Variants in HERC1 observed in about 807,000 individuals in gnomAD.
The protein encoded by HERC1 is HECT and RLD domain containing E3 ubiquitin protein ligase family member 1.
HERC1 carries 160 observed loss-of-function variants against 554.3 expected under a neutral mutation model. The observed-to-expected ratio is 0.29, with a 90% confidence interval of 0.25 to 0.33. HERC1 has a LOEUF of 0.33. HERC1 is among the 10% of genes least tolerant of loss of function. HERC1 has a pLI of 1.00. For synonymous variants in HERC1, 2,175 were observed against 2,131.7 expected (o/e 1.02, Z -0.56); for missense variants, 4,919 against 5,918.5 (o/e 0.83, Z 5.54).
At position 63,757,262 on chromosome 15, in the gene HERC1, C is replaced by CTTTTTTTTTTTTTTTT. The variant is rs56196711; in HGVS notation, c.1222-530_1222-515dup. ...AAAAAGAAATTCCAGTTTTTATTTA[C>CTTTTTTTTTTTTTTTT]TTTTTTTTTTTTTTTTTTTTGAGAC... On this transcript the variant is annotated intron_variant, in intron 4 of 77. Coordinates refer to ENST00000443617, the MANE Select transcript of HERC1 (RefSeq NM_003922.4). Among the ~76,000 whole-genome samples, 7 of 107,880 alleles carry CTTTTTTTTTTTTTTTT rather than the reference C, an allele frequency of 6.5e-5. 1 individual carries two copies. Among genetic ancestry groups the CTTTTTTTTTTTTTTTT allele is most frequent in the Non-Finnish European group, 7.3e-5 (4 of 55,108 alleles). 70.8% of individuals were successfully genotyped at this position (107,880 alleles called of 152,430 possible).
intron 12 of HERC1, among the ~76,000 whole-genome samples, chr15:63,736,953 T>C (rs1368198084): frequency 6.6e-6 from 1 of 152,012 alleles, no homozygotes; most frequent in Non-Finnish European, 1.5e-5. Flanking sequence ...CCAAAGGTTA[T>C]TAGAAATTTG....
At position 63,749,640 on chromosome 15, in the gene HERC1, A is replaced by C; in HGVS notation, c.2047+7T>G. On this transcript the variant is annotated splice_region_variant and intron_variant, in intron 9 of 77. Coordinates refer to ENST00000443617, the MANE Select transcript of HERC1 (RefSeq NM_003922.4). The surrounding 1 kb of genome is among the most constrained non-coding windows in gnomAD (Gnocchi z 4.1). The stretch of plus-strand genomic sequence containing the variant: ...AATACTATTTCCTTAAAAACAAATG[A>C]CTTTACCATGAGAAAGAGCCAAACA... The C allele has an allele frequency of 2.5e-6, 4 of 1,598,164 alleles. No individual in the cohort carries two copies. The highest frequency in any genetic ancestry group is 2.6e-6 in the Non-Finnish European group (3 of 1,171,766).
intron 19 of HERC1, 64 bp downstream of exon 19, chr15:63,723,118 C>T (rs974615196): frequency 7.0e-6 from 7 of 993,558 alleles, no homozygotes; most frequent in Non-Finnish European, 9.5e-6. Context: ...ACATATATTG[C>T]ATATATATTT....
intron 1 of HERC1, among the ~76,000 whole-genome samples, chr15:63,805,907 C>T (rs991333924): frequency 6.7e-6 from 1 of 149,734 alleles, no homozygotes; most frequent in Non-Finnish European, 1.5e-5. Flanking sequence ...CATGCCACTG[C>T]ACTACAGCCT....
At chr15:63,616,312 TG>T in intron 75 of HERC1, 117 bp downstream of exon 75, 2 of 1,075,136 alleles carry the variant, frequency 1.9e-6, no homozygotes, top group Non-Finnish European at 2.7e-6. Flanking sequence ...GGCATAGATA[TG>T]GCATTGTTCA....
At chr15:63,757,059 G>T (rs1293158454) in intron 4 of HERC1, among the ~76,000 whole-genome samples, 3 of 151,696 alleles carry the variant, frequency 2.0e-5, no homozygotes, top group African/African-American at 7.3e-5. Flanking sequence ...AAGACATAAA[G>T]TTTTCCTTCC....
chr15:63,652,381 T>A (rs754046648), intron 52 of HERC1, 33 bp downstream of exon 52: 3 of 1,573,564 alleles, frequency 1.9e-6, no homozygotes, highest in Non-Finnish European at 2.6e-6. Context: ...ATTCTCTTAT[T>A]TTAAATGGTA....
intron 1 of HERC1, among the ~76,000 whole-genome samples, chr15:63,806,468 T>C (rs2077143031): frequency 6.6e-6 from 1 of 152,180 alleles, no homozygotes; most frequent in South Asian, 2.1e-4. Flanking sequence ...ACATTTATCA[T>C]ACTCTGCCTG....
chr15:63,828,369 T>A (rs901143465), intron 1 of HERC1, among the ~76,000 whole-genome samples: 4 of 152,012 alleles, frequency 2.6e-5, no homozygotes, highest in African/African-American at 9.7e-5. Context: ...GACAAAGTTT[T>A]GCTCTTGTTG....
At chr15:63,789,066 C>A (rs1596258667) in intron 1 of HERC1, among the ~76,000 whole-genome samples, 2 of 138,316 alleles carry the variant, frequency 1.4e-5, no homozygotes, top group African/African-American at 2.7e-5. Flanking sequence ...ACTAATAAAG[C>A]AGGAATAAAA....
At chr15:63,726,342 A>G (rs2140794946) in intron 17 of HERC1, among the ~76,000 whole-genome samples, 1 of 152,352 alleles carries the variant, frequency 6.6e-6, no homozygotes, top group Admixed American at 6.5e-5. Flanking sequence ...ACGAAATGAC[A>G]GCTATAAGGA....
intron 1 of HERC1, among the ~76,000 whole-genome samples, chr15:63,795,337 T>C (rs2076781809): frequency 6.6e-6 from 1 of 152,106 alleles, no homozygotes; most frequent in Non-Finnish European, 1.5e-5. Context: ...AGAGTAGTGA[T>C]AATTTTAAAA....
At chr15:63,614,096 G>A (rs2067714316) in intron 76 of HERC1, among the ~76,000 whole-genome samples, 1 of 152,168 alleles carries the variant, frequency 6.6e-6, no homozygotes, top group African/African-American at 2.4e-5. Context: ...AAGAGATGAA[G>A]AGGAACCAAA....
intron 1 of HERC1, among the ~76,000 whole-genome samples, chr15:63,805,688 T>C (rs1387898108): frequency 1.3e-5 from 2 of 152,198 alleles, no homozygotes; most frequent in Non-Finnish European, 1.5e-5. Flanking sequence ...GGCTGAGGCC[T>C]ACAATCCCAG....
chr15:63,628,771 T>C lies in HERC1; in HGVS notation c.13011A>G (p.Val4337=). The change falls in exon 70 of 78, where the codon GTA becomes GTG. Residue 4337 remains valine, a synonymous_variant. Coordinates refer to ENST00000443617, the MANE Select transcript of HERC1 (RefSeq NM_003922.4). ...HTNHVREPTL[V]TGLQGKNVRQ... The stretch of plus-strand genomic sequence containing the variant: ...GAACATTTTTCCCTTGCAGACCTGT[T>C]ACCAGGGTTGGTTCTCGAACATGGT... 2.5e-6 allele frequency: 4 copies of C among 1,614,024 alleles called. No homozygotes were observed. Among genetic ancestry groups the C allele is most frequent in the Non-Finnish European group, 2.5e-6 (3 of 1,179,874 alleles).
In HERC1 at chr15:63,713,580, A is replaced by G. The variant is rs2153126887; in HGVS notation, c.4236T>C (p.Ala1412=). ...DRMNSGAGSG[A]RADDPPPQSQ... is the part of the protein sequence containing the mutation. Reference sequence around the variant, plus strand: ...ACTGAGGAGGTGGATCATCAGCTCGAGCCCCAGACCCTGCCCCACTGTTCA... The same window carrying G: ...ACTGAGGAGGTGGATCATCAGCTCGGGCCCCAGACCCTGCCCCACTGTTCA... Residue 1412 remains alanine, a synonymous_variant, in exon 23 of 78, where the codon GCT becomes GCC. Coordinates refer to ENST00000443617, the MANE Select transcript of HERC1 (RefSeq NM_003922.4). The G allele has an allele frequency of 6.2e-7, 1 of 1,613,860 alleles. No homozygotes were observed. The highest frequency in any genetic ancestry group is 8.5e-7 in the Non-Finnish European group (1 of 1,179,836).
intron 33 of HERC1, among the ~76,000 whole-genome samples, chr15:63,687,761 G>A (rs1342503427): frequency 1.3e-5 from 2 of 152,218 alleles, no homozygotes; most frequent in Non-Finnish European, 2.9e-5. Context: ...ACACGACAAA[G>A]AGTGTGTGGC....
intron 76 of HERC1, among the ~76,000 whole-genome samples, chr15:63,615,446 C>T (rs2067774312): frequency 6.6e-6 from 1 of 151,898 alleles, no homozygotes; most frequent in South Asian, 2.1e-4. Context: ...CCATCTCTAC[C>T]AAAAAATAAA....
intron 36 of HERC1, among the ~76,000 whole-genome samples, chr15:63,679,302 C>G (rs2071358147): frequency 2.0e-5 from 3 of 152,180 alleles, no homozygotes. Flanking sequence ...AGAAACAGTT[C>G]TCAGCTAGCC....
Sources: allele counts gnomAD v4.1 joint callset (sites outside exome capture counted in the v4.1 genomes callset), GRCh38; gene constraint gnomAD v4.1.1; non-coding constraint Gnocchi (gnomAD v3.1); transcripts MANE v1.5; gene names NCBI Gene and HGNC (gene_info 2026-07-23, HGNC 2026-07-21).